Variants in RGS22 observed in about 807,000 individuals in gnomAD.
RGS22 encodes the protein regulator of G-protein signaling 22.
RGS22 carries 148 observed loss-of-function variants against 172.9 expected under a neutral mutation model. The ratio of observed to expected loss-of-function variants is 0.86; its 90% CI spans 0.75 to 0.98. RGS22 has a LOEUF of 0.98. Among genes scored for constraint, RGS22 ranks in the 50% least tolerant of loss-of-function variants. RGS22 has a pLI of 0.00. For missense variants in RGS22, 1,347 were observed against 1,440.8 expected (o/e 0.93, Z 1.05); for synonymous variants, 458 against 480.2 (o/e 0.95, Z 0.60).
At position 100,071,358 on chromosome 8, in the gene RGS22, CAT is replaced by C; in HGVS notation, c.594+9_594+10del. ...AAGCGCTAAGTCATGAAAAAATGCT[CAT>C]ACTTTTACCTCACCAAGTGATACAT... is the stretch of plus-strand genomic sequence containing the variant. On this transcript the variant is annotated intron_variant, in intron 6 of 27. Coordinates refer to ENST00000360863, the MANE Select transcript of RGS22 (RefSeq NM_015668.5). 2 of 1,582,764 alleles carry C rather than the reference CAT, an allele frequency of 1.3e-6. No homozygotes were observed. The highest frequency in any genetic ancestry group is 1.7e-6 in the Non-Finnish European group (2 of 1,167,474).
In RGS22 at chr8:99,965,490, T is replaced by C. The variant is rs916167063; in HGVS notation, c.3520-60A>G. The C allele has an allele frequency of 4.4e-5, 55 of 1,249,658 alleles. 1 individual carries two copies. In the Admixed American group the frequency reaches 8.7e-4, roughly 20 times the overall value. The allele number at this position is 1,249,658 out of a possible 1,614,324, so 77.4% of individuals were successfully genotyped here. ...AAGATAATGATATGTTAATATAAAC[T>C]TATGGCTAAGGAGTTATAACATCAT... On this transcript the variant is annotated intron_variant, in intron 23 of 27. Transcript: ENST00000360863.
At chr8:100,024,335 CTGT>C (rs1412719421) in intron 14 of RGS22, among the ~76,000 whole-genome samples, 1 of 152,210 alleles carries the variant, frequency 6.6e-6, no homozygotes. Context: ...GCTCATTAAA[CTGT>C]TTTCACATAA....
In RGS22 at chr8:100,008,552, G is replaced by GT. The variant is rs764950885; in HGVS notation, c.2183dup (p.Tyr728Ter). The GT allele has an allele frequency of 3.7e-6, 6 of 1,608,584 alleles. No homozygotes were observed. The highest frequency in any genetic ancestry group is 5.1e-6 in the Non-Finnish European group (6 of 1,178,542). Residue 728 changes from tyrosine (Y) to a stop codon, truncating the protein, a stop_gained and frameshift_variant, in exon 15 of 28, where the codon TAC becomes TAAC. Transcript: ENST00000360863. LOFTEE classifies it high-confidence loss of function. ...TGTCAAGAGTGGCAGAAGGAGCAAC[G>GT]TATGTGGCAAAAAGATACTGAAGGA... is the stretch of plus-strand genomic sequence containing the variant. ...CKQAQYLFAT[Y>*]VAPSATLDIG...
Position 100,064,037 on chromosome 8 carries a change from A to T in RGS22, c.731T>A (p.Phe244Tyr). 1 of 1,504,740 alleles carries T rather than the reference A, an allele frequency of 6.6e-7. No individual in the cohort carries two copies. Among genetic ancestry groups the T allele is most frequent in the Non-Finnish European group, 8.8e-7 (1 of 1,132,156 alleles). The allele number at this position is 1,504,740 out of a possible 1,614,324, so 93.2% of individuals were successfully genotyped here. A position where few individuals can be genotyped will look rare whatever the true frequency, so the allele number is the denominator to read the frequency against. Residue 244 changes from phenylalanine to tyrosine, a missense_variant, in exon 8 of 28, where the codon TTT (phenylalanine) becomes TAT (tyrosine). Phe to Tyr is a conservative substitution (Grantham distance 22, BLOSUM62 3). Transcript: ENST00000360863. ...SPAISSVSEN[F>Y]IFDDGVHPRT... ...AGGGTGAACTCCATCATCAAAGATA[A>T]AATTCTCTGTATTAAGTCATAAAAA...
intron 22 of RGS22, among the ~76,000 whole-genome samples, 157 bp from the exon 23 acceptor site, chr8:99,978,232 A>G (rs1249643260): frequency 6.6e-6 from 1 of 152,166 alleles, no homozygotes; most frequent in Non-Finnish European, 1.5e-5. Flanking sequence ...TGCTCAGCAC[A>G]TGCTTATCAT....
intron 9 of RGS22, among the ~76,000 whole-genome samples, chr8:100,053,847 G>T (rs888257355): frequency 6.6e-6 from 1 of 152,044 alleles, no homozygotes; most frequent in Admixed American, 6.5e-5. Flanking sequence ...TGTTAGCCAG[G>T]ATGGTCTTGA....
At position 100,095,837 on chromosome 8, in the gene RGS22, C is replaced by A. The variant is rs75347707; in HGVS notation, c.55-2328G>T. Among the ~76,000 whole-genome samples, 242 of 152,302 alleles carry A rather than the reference C, an allele frequency of 1.6e-3. 3 individuals carry two copies. The East Asian group carries it at 0.042, about 26-fold the overall frequency. ...TCAAATACATCAAAATCAATTATAT[C>A]TTTTATAAAATTGTGCCTTAATTTC... On this transcript the variant is annotated intron_variant, in intron 2 of 27. Transcript: ENST00000360863.
At chr8:99,965,602 T>G (rs1306334555) in intron 23 of RGS22, among the ~76,000 whole-genome samples, 172 bp from the exon 24 acceptor site, 1 of 152,176 alleles carries the variant, frequency 6.6e-6, no homozygotes, top group Non-Finnish European at 1.5e-5. Context: ...GCTTTGATCT[T>G]TAATCTTATT....
rs1367322917 is a variant in RGS22 at position 100,105,917 on chromosome 8, G to A, written c.5C>T (p.Pro2Leu). Residue 2 changes from proline to leucine, a missense_variant, in exon 1 of 28, where the codon CCC (proline) becomes CTC (leucine). Coordinates refer to ENST00000360863, the MANE Select transcript of RGS22 (RefSeq NM_015668.5). ...CCTACCCGCGGTGAGCCTCTTCTCGGGCATGCCGTCCCCGCTGCCCGCGCC... is the reference window on the plus strand; with the variant it reads ...CCTACCCGCGGTGAGCCTCTTCTCGAGCATGCCGTCCCCGCTGCCCGCGCC... M[P>L]EKRLTAEPPT... 3.4e-6 allele frequency: 5 copies of A among 1,492,128 alleles called. No individual in the cohort carries two copies. The highest frequency in any genetic ancestry group is 2.9e-5 in the East Asian group (1 of 34,026). The allele number at this position is 1,492,128 out of a possible 1,614,324, so 92.4% of individuals were successfully genotyped here. A position where few individuals can be genotyped will look rare whatever the true frequency, so the allele number is the denominator to read the frequency against.
intron 21 of RGS22, among the ~76,000 whole-genome samples, chr8:99,982,578 A>G (rs1254719634): frequency 2.6e-5 from 4 of 152,186 alleles, no homozygotes; most frequent in Non-Finnish European, 5.9e-5. Context: ...TCCTAGGAGA[A>G]CATTGAGAAT....
rs12550807 is a variant in RGS22 at position 100,019,773 on chromosome 8, T to C, written c.2167-11204A>G. Among the ~76,000 whole-genome samples the C allele has an allele frequency of 9.8e-3, 1,493 of 152,292 alleles. 21 individuals carry two copies. The highest frequency in any genetic ancestry group is 0.014 in the Non-Finnish European group (953 of 68,020). ...GAGGGAATTCTAATCATGTAATTAG[T>C]AAGGCAGCAGAAGGCATTTTAATAT... On this transcript the variant is annotated intron_variant, in intron 14 of 27. Transcript: ENST00000360863.
chr8:100,038,415 CTA>C, intron 14 of RGS22: 1 of 152,188 alleles, frequency 6.6e-6, no homozygotes, highest in Admixed American at 6.5e-5. Flanking sequence ...TGTCTGTCTC[CTA>C]TGACATGTAG....
At chr8:100,012,979 T>G (rs1193386208) in intron 14 of RGS22, among the ~76,000 whole-genome samples, 1 of 24,842 alleles carries the variant, frequency 4.0e-5, no homozygotes, top group Non-Finnish European at 7.9e-5. Flanking sequence ...ACGCCTTTGA[T>G]TTTTTTTTTT....
At chr8:100,073,472 C>G (rs77434617) in intron 4 of RGS22, among the ~76,000 whole-genome samples, 1,881 of 151,440 alleles carry the variant, frequency 0.012, 33 homozygotes, top group African/African-American at 0.039. Flanking sequence ...CTTCACCAAA[C>G]ACTATCTTCT....
At chr8:100,047,633 G>A (rs1256285238) in intron 10 of RGS22, 37 bp from the exon 11 acceptor site, 1 of 1,584,122 alleles carries the variant, frequency 6.3e-7, no homozygotes, top group Non-Finnish European at 8.6e-7. Context: ...GAAAATGAGA[G>A]AGAAAAAAGC....
intron 23 of RGS22, among the ~76,000 whole-genome samples, chr8:99,973,705 T>C (rs1811614619): frequency 6.6e-6 from 1 of 151,790 alleles, no homozygotes; most frequent in Non-Finnish European, 1.5e-5. Flanking sequence ...CCGTTTCTAC[T>C]AAAAATCCAA....
intron 6 of RGS22, among the ~76,000 whole-genome samples, chr8:100,069,080 T>A (rs1053958735): frequency 6.6e-6 from 1 of 151,886 alleles, no homozygotes; most frequent in Admixed American, 6.6e-5. Context: ...ATATTGCTGA[T>A]AGAAATGCTG....
chr8:100,066,130 A>G lies in RGS22; in HGVS notation c.724+37T>C, dbSNP rs757660720. 5 of 1,590,536 alleles carry G rather than the reference A, an allele frequency of 3.1e-6. No homozygotes were observed. The South Asian group carries it at 4.5e-5, about 14-fold the overall frequency. On this transcript the variant is annotated intron_variant, in intron 7 of 27. Transcript: ENST00000360863. ...AGAACAAACAAACAAAAACTTAAAG[A>G]GAAGTTCTGAAGTCATTCTTGTCCT...
intron 16 of RGS22, among the ~76,000 whole-genome samples, chr8:100,005,244 A>T (rs1815564175): frequency 6.6e-6 from 1 of 151,998 alleles, no homozygotes; most frequent in African/African-American, 2.4e-5. Flanking sequence ...ATCACCTGAA[A>T]CCTTACCACT....
Sources: gnomAD v4.1 joint callset for allele counts (sites outside exome capture counted in the v4.1 genomes callset) on GRCh38, gnomAD v4.1.1 for gene constraint, MANE v1.5 for transcripts, NCBI Gene and HGNC (gene_info 2026-07-23, HGNC 2026-07-21) for gene names.